The following FUT8 variants were observed in gnomAD, a reference collection of about 807,000 sequenced individuals.
FUT8 encodes fucosyltransferase 8.
Under a neutral mutation model 71.3 loss-of-function variants are expected in FUT8, and 29 were observed. The ratio of observed to expected loss-of-function variants is 0.41; its 90% CI spans 0.30 to 0.55. The LOEUF is 0.55. Ranked by LOEUF, FUT8 falls within the 20% of genes least tolerant of loss-of-function variation. The pLI is 0.34. For synonymous variants in FUT8, 254 were observed against 239.3 expected, an observed-to-expected ratio of 1.06 and a Z score of -0.57; for missense variants, 544 against 702.1, an observed-to-expected ratio of 0.77 and a Z score of 2.55.
At chr14:65,434,729 G>C (rs189814476) in intron 1 of FUT8, among the ~76,000 whole-genome samples, 5 of 152,322 alleles carry the variant, frequency 3.3e-5, no homozygotes, top group African/African-American at 1.2e-4. Context: ...AGTGGAGGCA[G>C]CTGTATTATC....
intron 2 of FUT8, among the ~76,000 whole-genome samples, chr14:65,531,697 A>T (rs7153497): frequency 2.2e-4 from 34 of 151,976 alleles, no homozygotes; most frequent in Non-Finnish European, 3.7e-4. Flanking sequence ...GGGGTTTGAC[A>T]TACAGATTAT....
At chr14:65,723,257 A>G (rs1293554361) in intron 8 of FUT8, among the ~76,000 whole-genome samples, 1 of 151,966 alleles carries the variant, frequency 6.6e-6, no homozygotes, top group Non-Finnish European at 1.5e-5. Flanking sequence ...CCTGGGAGGC[A>G]GAGATTGGAG....
chr14:65,638,291 CTG>C lies in FUT8; in HGVS notation c.597+8686_597+8687del, dbSNP rs1890664181. Reference sequence around the variant, plus strand: ...AAACTTCTGAGCTCAAGCAGTCCTCCTGCCTCAGCTTCCCAAAGTGTTGCAAT... The same window carrying C: ...AAACTTCTGAGCTCAAGCAGTCCTCCCCTCAGCTTCCCAAAGTGTTGCAAT... On this transcript the variant is annotated intron_variant, in intron 6 of 10. Transcript: ENST00000673929. This position sits in a 1 kb window ranked among gnomAD's most constrained non-coding sequence, Gnocchi z 4.5. Among the ~76,000 whole-genome samples, 1 of 152,176 alleles carries C rather than the reference CTG, an allele frequency of 6.6e-6. No individual in the cohort carries two copies.
chr14:65,362,260 T>C, the FUT8 span, among the ~76,000 whole-genome samples: 1 of 152,216 alleles, frequency 6.6e-6, no homozygotes, highest in Non-Finnish European at 1.5e-5. Flanking sequence ...TTCCCTCTAC[T>C]CTTTCCAATA....
the FUT8 span, among the ~76,000 whole-genome samples, chr14:65,394,438 A>G: frequency 3.3e-5 from 5 of 152,202 alleles, no homozygotes; most frequent in African/African-American, 9.6e-5. Flanking sequence ...GCCAAACCCA[A>G]TCATTCTGCC....
At position 65,474,177 on chromosome 14, in the gene FUT8, C is replaced by T. The variant is rs74774779; in HGVS notation, c.-228+18459C>T. Among the ~76,000 whole-genome samples, 1,184 of 151,894 alleles carry T rather than the reference C, an allele frequency of 7.8e-3. 9 individuals are homozygous for T. The highest frequency in any genetic ancestry group is 0.024 in the African/African-American group (987 of 41,422). ...TAGGAAGAAGATAAGGGATAAAAAA[C>T]GATATATTGGGTACAATGTATGCTA... On this transcript the variant is annotated intron_variant, in intron 2 of 10. Transcript: ENST00000673929.
chr14:65,552,145 CA>C (rs1214655865), intron 2 of FUT8, among the ~76,000 whole-genome samples: 5 of 152,002 alleles, frequency 3.3e-5, no homozygotes, highest in African/African-American at 1.2e-4. Flanking sequence ...AAAATGATAG[CA>C]AAAAATGCAA....
intron 2 of FUT8, among the ~76,000 whole-genome samples, chr14:65,554,155 CA>C (rs1885449024): frequency 6.6e-6 from 1 of 151,972 alleles, no homozygotes; most frequent in African/African-American, 2.4e-5. Flanking sequence ...TACCTCTCTT[CA>C]AGCTCACTGA....
intron 3 of FUT8, among the ~76,000 whole-genome samples, chr14:65,614,783 A>AT (rs2140218009): frequency 6.6e-6 from 1 of 152,332 alleles, no homozygotes; most frequent in East Asian, 1.9e-4. Flanking sequence ...AAAATCCTTA[A>AT]TTATATATTC....
chr14:65,675,027 T>A (rs921226300), intron 7 of FUT8, among the ~76,000 whole-genome samples: 7 of 152,252 alleles, frequency 4.6e-5, no homozygotes, highest in African/African-American at 1.7e-4. Flanking sequence ...GAAAGATCTT[T>A]GCTTCAGGAA....
At position 65,483,232 on chromosome 14, in the gene FUT8, A is replaced by C. The variant is rs916035326; in HGVS notation, c.-228+27514A>C. Among the ~76,000 whole-genome samples the C allele has an allele frequency of 2.6e-5, 4 of 152,186 alleles. No individual in the cohort carries two copies. The highest frequency in any genetic ancestry group is 4.4e-5 in the Non-Finnish European group (3 of 68,028). Reference sequence around the variant, plus strand: ...GTGAGAGGACTGTGTTCTCTCCAACAAGGTCTGGATCTCAGCCCTGGGATG... The same window carrying C: ...GTGAGAGGACTGTGTTCTCTCCAACCAGGTCTGGATCTCAGCCCTGGGATG... On this transcript the variant is annotated intron_variant, in intron 2 of 10. Transcript: ENST00000673929. This position sits in a 1 kb window ranked among gnomAD's most constrained non-coding sequence, Gnocchi z 4.4.
intron 7 of FUT8, among the ~76,000 whole-genome samples, chr14:65,682,690 A>G (rs571983826): frequency 6.6e-6 from 1 of 152,332 alleles, no homozygotes; most frequent in Non-Finnish European, 1.5e-5. Flanking sequence ...TGACATGCCA[A>G]GATACCAGAA....
Position 65,615,984 on chromosome 14 carries a change from A to T in FUT8, c.210A>T (p.Pro70=), listed in dbSNP as rs1260521689. Residue 70 remains proline, a synonymous_variant, in exon 4 of 11, where the codon CCA becomes CCT. Coordinates refer to ENST00000673929, the MANE Select transcript of FUT8 (RefSeq NM_001371533.1). ...TATCTTCCCTAAACTACAGGATACC[A>T]GAAGGCCCTATTGATCAGGGGCCAG... is the stretch of plus-strand genomic sequence containing the variant. The part of the protein sequence containing the change: ...LRRMAESLRI[P]EGPIDQGPAI... 2 of 1,609,934 alleles carry T rather than the reference A, an allele frequency of 1.2e-6. No homozygotes were observed. Among genetic ancestry groups the T allele is most frequent in the African/African-American group, 2.7e-5 (2 of 74,754 alleles).
At chr14:65,525,503 T>C (rs993954889) in intron 2 of FUT8, among the ~76,000 whole-genome samples, 1 of 152,222 alleles carries the variant, frequency 6.6e-6, no homozygotes, top group African/African-American at 2.4e-5. Context: ...GTTGATGTTT[T>C]CAAAAAACCA....
chr14:65,362,961 C>CA, the FUT8 span, among the ~76,000 whole-genome samples: 13 of 69,346 alleles, frequency 1.9e-4, no homozygotes, highest in African/African-American at 7.3e-4. Context: ...GACTCTGTTT[C>CA]AAAAAAAAAA....
chr14:65,724,642 C>T (rs927021494), intron 9 of FUT8, among the ~76,000 whole-genome samples: 1 of 152,158 alleles, frequency 6.6e-6, no homozygotes, highest in African/African-American at 2.4e-5. Flanking sequence ...GTTGGAGCTG[C>T]CATAACAAAA....
intron 7 of FUT8, among the ~76,000 whole-genome samples, chr14:65,716,053 C>T (rs1162976670): frequency 1.3e-5 from 2 of 151,650 alleles, no homozygotes; most frequent in Admixed American, 1.3e-4. Context: ...AATTTATGGT[C>T]TGTCCTTGTA....
intron 1 of FUT8, among the ~76,000 whole-genome samples, chr14:65,423,031 G>A (rs1363414772): frequency 6.7e-6 from 1 of 148,562 alleles, no homozygotes; most frequent in Non-Finnish European, 1.5e-5. Context: ...TGTCACCCAG[G>A]CTGGAGTGCA....
intron 7 of FUT8, among the ~76,000 whole-genome samples, chr14:65,711,332 C>A (rs1894803816): frequency 6.6e-6 from 1 of 152,146 alleles, no homozygotes; most frequent in Admixed American, 6.5e-5. Context: ...ATAACACTTT[C>A]ATATAAGTAA....
Sources: gnomAD v4.1 joint callset for allele counts (sites outside exome capture counted in the v4.1 genomes callset) on GRCh38, gnomAD v4.1.1 for gene constraint, Gnocchi (gnomAD v3.1) non-coding constraint, MANE v1.5 for transcripts, NCBI Gene and HGNC (gene_info 2026-07-23, HGNC 2026-07-21) for gene names.